Variants in MAD1L1 observed in about 807,000 individuals in gnomAD.
MAD1L1 encodes mitotic arrest deficient 1 like 1, also known as mitotic spindle assembly checkpoint protein MAD1.
Under a neutral mutation model 96.9 loss-of-function variants are expected in MAD1L1, and 95 were observed. The observed-to-expected ratio is 0.98, with a 90% CI of 0.83 to 1.16. The LOEUF (loss-of-function observed/expected upper bound fraction) is 1.16. Ranked by LOEUF, MAD1L1 falls within the 50% of genes most tolerant of loss-of-function variation. The pLI is 0.00. For missense variants in MAD1L1, 1,007 were observed against 954.4 expected, an observed-to-expected ratio of 1.06 and a Z score of -0.73; for synonymous variants, 473 against 396.6, an observed-to-expected ratio of 1.19 and a Z score of -2.29.
chr7:2,153,737 C>A (rs183707401), intron 10 of MAD1L1, among the ~76,000 whole-genome samples: 5 of 152,360 alleles, frequency 3.3e-5, no homozygotes, highest in African/African-American at 1.2e-4. Flanking sequence ...CAAAAAGATA[C>A]CTGCATTCCC....
chr7:1,899,813 G>T (rs1240266320), intron 17 of MAD1L1, among the ~76,000 whole-genome samples: 5 of 152,184 alleles, frequency 3.3e-5, no homozygotes, highest in Admixed American at 2.6e-4. Flanking sequence ...AGTTTAAGGT[G>T]GACGATGCAG....
intron 18 of MAD1L1, among the ~76,000 whole-genome samples, chr7:1,824,858 A>T (rs1274732296): frequency 8.5e-5 from 13 of 152,064 alleles, no homozygotes; most frequent in Non-Finnish European, 1.6e-4. Context: ...ACTTTCATGC[A>T]CACATGGGGC....
chr7:2,056,570 C>G (rs1193711902), intron 12 of MAD1L1, among the ~76,000 whole-genome samples: 1 of 152,202 alleles, frequency 6.6e-6, no homozygotes. Context: ...CACGACCCAT[C>G]TGCAAAGCGA....
At chr7:1,961,808 G>A (rs1400896331) in intron 15 of MAD1L1, among the ~76,000 whole-genome samples, 4 of 151,890 alleles carry the variant, frequency 2.6e-5, no homozygotes, top group African/African-American at 9.7e-5. Context: ...GTGTGTTGTG[G>A]GAGGGACATG....
At chr7:1,985,573 G>T (rs546929417) in intron 14 of MAD1L1, among the ~76,000 whole-genome samples, 1 of 152,194 alleles carries the variant, frequency 6.6e-6, no homozygotes, top group Non-Finnish European at 1.5e-5. Context: ...CTGTGTCTTC[G>T]GCTCTCAACA....
chr7:2,095,686 G>A (rs1435646887), intron 11 of MAD1L1, among the ~76,000 whole-genome samples: 1 of 152,248 alleles, frequency 6.6e-6, no homozygotes, highest in Non-Finnish European at 1.5e-5. Flanking sequence ...GTCATCACCT[G>A]CCTACTGCGA....
At chr7:1,850,074 G>T (rs527755523) in intron 18 of MAD1L1, 5 of 152,120 alleles carry the variant, frequency 3.3e-5, no homozygotes, top group African/African-American at 1.2e-4. Flanking sequence ...TCTAATTTCC[G>T]GAACAGCTCT....
At chr7:1,944,050 A>G (rs1267209109) in intron 16 of MAD1L1, among the ~76,000 whole-genome samples, 1 of 152,176 alleles carries the variant, frequency 6.6e-6, no homozygotes, top group Non-Finnish European at 1.5e-5. Context: ...CCAATCACAA[A>G]GGCCACAGGA....
At chr7:2,042,330 G>C (rs1783724919) in intron 12 of MAD1L1, among the ~76,000 whole-genome samples, 1 of 151,688 alleles carries the variant, frequency 6.6e-6, no homozygotes, top group South Asian at 2.1e-4. Context: ...CAGGCACACG[G>C]ACACACGCAC....
chr7:1,915,900 A>G (rs1583772831), intron 17 of MAD1L1, among the ~76,000 whole-genome samples: 1 of 152,238 alleles, frequency 6.6e-6, no homozygotes, highest in Non-Finnish European at 1.5e-5. Context: ...TACCACAGGA[A>G]AAAGTGATTC....
intron 3 of MAD1L1, among the ~76,000 whole-genome samples, chr7:2,228,613 TA>T (rs1041383746): frequency 2.6e-5 from 4 of 151,352 alleles, no homozygotes; most frequent in Non-Finnish European, 2.9e-5. Flanking sequence ...ATTACCTTCA[TA>T]ATTTCACAAA....
intron 11 of MAD1L1, among the ~76,000 whole-genome samples, chr7:2,129,214 C>G (rs887213039): frequency 1.3e-5 from 2 of 152,224 alleles, no homozygotes; most frequent in African/African-American, 4.8e-5. Flanking sequence ...CACCGCCAGG[C>G]AGCTCACATG....
At chr7:2,197,713 C>A (rs116801170) in intron 10 of MAD1L1, among the ~76,000 whole-genome samples, 4 of 152,236 alleles carry the variant, frequency 2.6e-5, no homozygotes, top group Non-Finnish European at 5.9e-5. Flanking sequence ...TCCCCTAGGC[C>A]GGCTCATCCC....
rs1787873011 is a variant in MAD1L1, at chr7:2,119,483, AG to A, written c.1073+29668del. On this transcript the variant is annotated intron_variant, in intron 11 of 18. Transcript: ENST00000265854. This position sits in a 1 kb window ranked among gnomAD's most constrained non-coding sequence, Gnocchi z 4.6. ...CAAAGCTGGACGACGCCACAAGAGC[AG>A]CTCTTTACATCCTCCTGGCCCTGTG... is the stretch of plus-strand genomic sequence containing the variant. Among the ~76,000 whole-genome samples the A allele has an allele frequency of 6.6e-6, 1 of 152,130 alleles. No homozygotes were observed. The highest frequency in any genetic ancestry group is 1.5e-5 in the Non-Finnish European group (1 of 68,018).
intron 18 of MAD1L1, among the ~76,000 whole-genome samples, chr7:1,830,509 C>T (rs1345255068): frequency 1.3e-5 from 2 of 152,252 alleles, no homozygotes; most frequent in Non-Finnish European, 2.9e-5. Context: ...ACATATACAA[C>T]ATTTACAATT....
chr7:2,056,709 G>C (rs751732225), intron 12 of MAD1L1, among the ~76,000 whole-genome samples: 3 of 152,178 alleles, frequency 2.0e-5, no homozygotes, highest in African/African-American at 7.2e-5. Flanking sequence ...CTCAACACTA[G>C]AACCAGGACA....
chr7:2,060,267 G>A (rs1289995190), intron 12 of MAD1L1, among the ~76,000 whole-genome samples: 9 of 140,936 alleles, frequency 6.4e-5, no homozygotes, highest in South Asian at 2.3e-4. Context: ...GCCGAGATAC[G>A]CCGATGCCGA....
chr7:2,044,132 T>C (rs979378938), intron 12 of MAD1L1, among the ~76,000 whole-genome samples: 2 of 152,054 alleles, frequency 1.3e-5, no homozygotes, highest in Non-Finnish European at 2.9e-5. Context: ...CAGCCAACGG[T>C]CTGGAATAAA....
At chr7:2,202,985 C>T (rs1056910262) in intron 10 of MAD1L1, among the ~76,000 whole-genome samples, 1 of 152,198 alleles carries the variant, frequency 6.6e-6, no homozygotes, top group African/African-American at 2.4e-5. Context: ...TCAGCAGTTC[C>T]AGGTGGGCAC....
Sources: allele counts gnomAD v4.1 joint callset (sites outside exome capture counted in the v4.1 genomes callset), GRCh38; gene constraint gnomAD v4.1.1; non-coding constraint Gnocchi (gnomAD v3.1); transcripts MANE v1.5; gene names NCBI Gene and HGNC (gene_info 2026-07-23, HGNC 2026-07-21).